Variants in CSMD1 observed in about 807,000 individuals in gnomAD.
CSMD1 encodes CUB and Sushi multiple domains 1.
CSMD1 carries 213 observed loss-of-function variants against 417.5 expected under a neutral mutation model. The observed-to-expected ratio is 0.51, with a 90% CI of 0.46 to 0.57. CSMD1 has a LOEUF of 0.57. Among genes scored for constraint, CSMD1 ranks in the 20% least tolerant of loss-of-function variants. The pLI, the probability that CSMD1 is intolerant of heterozygous loss-of-function variation, is 0.00. For synonymous variants in CSMD1, 2,862 were observed against 1,736.8 expected (o/e 1.65, Z -16.11); for missense variants, 6,923 against 4,529.7 (o/e 1.53, Z -15.17).
chr8:3,634,471 A>C (rs1796935203), intron 7 of CSMD1, among the ~76,000 whole-genome samples: 1 of 152,152 alleles, frequency 6.6e-6, no homozygotes, highest in South Asian at 2.1e-4. Flanking sequence ...GCACAACTCT[A>C]CTGGGAGTGG....
Position 3,790,082 on chromosome 8 carries a change from T to C in CSMD1, c.819-36040A>G, listed in dbSNP as rs184668386. Among the ~76,000 whole-genome samples the C allele has an allele frequency of 2.6e-5, 4 of 152,334 alleles. No individual in the cohort carries two copies. The East Asian group carries it at 7.7e-4, about 29-fold the overall frequency. ...ATTAGAGAATGTCAATGAAGGTCCA[T>C]TATATGTCTATTAAATGAAAGTGTT... is the stretch of plus-strand genomic sequence containing the variant. On this transcript the variant is annotated intron_variant, in intron 5 of 69. Coordinates refer to ENST00000635120, the MANE Select transcript of CSMD1 (RefSeq NM_033225.6).
intron 23 of CSMD1, among the ~76,000 whole-genome samples, chr8:3,336,938 A>C: frequency 6.6e-6 from 1 of 152,112 alleles, no homozygotes; most frequent in East Asian, 1.9e-4. Flanking sequence ...CTCCCCTAAA[A>C]AAAGTCAGTT....
At chr8:3,247,014 G>A (rs17079690) in intron 26 of CSMD1, among the ~76,000 whole-genome samples, 1 of 152,146 alleles carries the variant, frequency 6.6e-6, no homozygotes, top group Non-Finnish European at 1.5e-5. Context: ...GTGGATGCAA[G>A]TGAACCATGT....
intron 3 of CSMD1, among the ~76,000 whole-genome samples, chr8:4,197,810 C>T (rs1799426581): frequency 6.6e-6 from 1 of 152,046 alleles, no homozygotes; most frequent in Admixed American, 6.6e-5. Flanking sequence ...ACCCAGGAGG[C>T]AGAGGTTGCA....
At chr8:4,599,597 C>G (rs535211026) in intron 2 of CSMD1, among the ~76,000 whole-genome samples, 3 of 151,882 alleles carry the variant, frequency 2.0e-5, no homozygotes, top group East Asian at 1.9e-4. Context: ...TAAATGTATA[C>G]TGTACTTTAC....
chr8:3,907,209 C>T (rs545776392), intron 5 of CSMD1, among the ~76,000 whole-genome samples: 1 of 152,256 alleles, frequency 6.6e-6, no homozygotes, highest in East Asian at 1.9e-4. Context: ...TGATCTCATA[C>T]AGCAAATAAA....
At chr8:3,324,078 C>T (rs200627725) in intron 23 of CSMD1, among the ~76,000 whole-genome samples, 3 of 144,238 alleles carry the variant, frequency 2.1e-5, no homozygotes, top group African/African-American at 2.5e-5. Flanking sequence ...ACACCCAACC[C>T]CAGAGACCCA....
intron 4 of CSMD1, among the ~76,000 whole-genome samples, chr8:4,027,398 TG>T (rs1175572115): frequency 3.9e-5 from 6 of 152,106 alleles, no homozygotes; most frequent in Admixed American, 3.9e-4. Flanking sequence ...CCCCATGAGT[TG>T]GGGAGGCACA....
At chr8:4,188,351 A>T (rs1291210947) in intron 3 of CSMD1, among the ~76,000 whole-genome samples, 3 of 152,190 alleles carry the variant, frequency 2.0e-5, no homozygotes, top group Non-Finnish European at 4.4e-5. Flanking sequence ...ATGCAAACCG[A>T]GGTGCCTTCA....
chr8:3,738,881 A>G (rs1347435393), intron 6 of CSMD1, among the ~76,000 whole-genome samples: 1 of 152,312 alleles, frequency 6.6e-6, no homozygotes, highest in East Asian at 1.9e-4. Context: ...TTCATATTTC[A>G]TTCATAGTCT....
At chr8:4,242,864 G>A (rs534126874) in intron 3 of CSMD1, among the ~76,000 whole-genome samples, 1 of 152,272 alleles carries the variant, frequency 6.6e-6, no homozygotes, top group South Asian at 2.1e-4. Context: ...TTAGATTAAA[G>A]CATCAGGATG....
At chr8:4,887,319 G>A (rs1803816555) in intron 1 of CSMD1, among the ~76,000 whole-genome samples, 1 of 152,010 alleles carries the variant, frequency 6.6e-6, no homozygotes, top group Non-Finnish European at 1.5e-5. Context: ...ATTACAATGT[G>A]TTAAAGAACA....
Position 2,962,593 on chromosome 8 carries a change from A to G in CSMD1, c.9501T>C (p.Ser3167=), listed in dbSNP as rs368968438. 7.4e-5 allele frequency: 119 copies of G among 1,613,794 alleles called. No individual in the cohort carries two copies. Among genetic ancestry groups the G allele is most frequent in the Middle Eastern group, 1.6e-4 (1 of 6,084 alleles). The change falls in exon 61 of 70, where the codon AGT becomes AGC. Residue 3167 remains serine (S), a synonymous_variant. Transcript: ENST00000635120. ...DPGIPAEGRL[S]GKSFTYKSEV... ...CGGACTTATAGGTGAAACTTTTCCC[A>G]CTAAGTCGCCCTTCTGCGGGGATGC...
At chr8:4,609,511 C>G (rs1165295308) in intron 2 of CSMD1, among the ~76,000 whole-genome samples, 2 of 152,142 alleles carry the variant, frequency 1.3e-5, no homozygotes, top group Non-Finnish European at 2.9e-5. Context: ...CACTAATTAG[C>G]TATTAAACAA....
chr8:4,376,661 C>A (rs530261619), intron 3 of CSMD1, among the ~76,000 whole-genome samples: 2 of 152,292 alleles, frequency 1.3e-5, no homozygotes, highest in East Asian at 3.9e-4. Context: ...TAGCCGTGCT[C>A]ATATCACACC....
chr8:4,089,263 C>T (rs553203541), intron 3 of CSMD1, among the ~76,000 whole-genome samples: 1 of 152,290 alleles, frequency 6.6e-6, no homozygotes, highest in Admixed American at 6.5e-5. Context: ...AGCACATTTT[C>T]TCCAGGAATT....
intron 40 of CSMD1, among the ~76,000 whole-genome samples, chr8:3,145,464 C>G (rs376571302): frequency 1.3e-5 from 2 of 151,990 alleles, no homozygotes; most frequent in African/African-American, 2.4e-5. Context: ...TCCAACGTCT[C>G]AAAAGTACAG....
At chr8:4,295,414 T>C (rs2128869934) in intron 3 of CSMD1, among the ~76,000 whole-genome samples, 2 of 144,638 alleles carry the variant, frequency 1.4e-5, no homozygotes, top group African/African-American at 5.0e-5. Context: ...ATAATCTTAT[T>C]ATACACATAT....
chr8:3,800,362 T>G (rs190002733), intron 5 of CSMD1, among the ~76,000 whole-genome samples: 1 of 149,122 alleles, frequency 6.7e-6, no homozygotes, highest in Admixed American at 6.7e-5. Context: ...CGGAAGTGTT[T>G]TGAGAAACAA....
Sources: gnomAD v4.1 joint callset for allele counts (sites outside exome capture counted in the v4.1 genomes callset) on GRCh38, gnomAD v4.1.1 for gene constraint, MANE v1.5 for transcripts, NCBI Gene and HGNC (gene_info 2026-07-23, HGNC 2026-07-21) for gene names.